EFNA5: variants seen among roughly 807,000 people sequenced by gnomAD.
The protein encoded by EFNA5 is ephrin-A5.
A neutral mutation model predicts 22.9 loss-of-function variants in EFNA5; 5 were observed. The observed-to-expected ratio is 0.22, with a 90% CI of 0.11 to 0.46. The LOEUF is 0.46. EFNA5 is among the 20% of genes least tolerant of loss of function. EFNA5 has a pLI of 0.99. For synonymous variants in EFNA5, 113 were observed against 112.2 expected, an observed-to-expected ratio of 1.01 and a Z score of -0.04; for missense variants, 237 against 293.3, an observed-to-expected ratio of 0.81 and a Z score of 1.40.
At chr5:107,641,021 T>TAGATAGACAGACAGAC (rs796272956) in intron 1 of EFNA5, among the ~76,000 whole-genome samples, 8 of 111,942 alleles carry the variant, frequency 7.1e-5, no homozygotes, top group African/African-American at 1.8e-4. Context: ...GATAGATAGA[T>TAGATAGACAGACAGAC]AGACAGACAG....
intron 1 of EFNA5, 34 bp downstream of exon 1, chr5:107,670,455 G>A (rs749287749): frequency 6.2e-5 from 95 of 1,541,012 alleles, no homozygotes; most frequent in Non-Finnish European, 7.8e-5. Context: ...CCGAGGCCCG[G>A]GTAGCCCTGG....
intron 1 of EFNA5, among the ~76,000 whole-genome samples, chr5:107,594,284 ATGT>A (rs750726348): frequency 6.6e-5 from 10 of 152,194 alleles, no homozygotes; most frequent in Non-Finnish European, 1.0e-4. Context: ...CTTTTTAAAA[ATGT>A]TGTAACTGAA....
At chr5:107,407,870 T>C (rs1748264789) in intron 2 of EFNA5, among the ~76,000 whole-genome samples, 1 of 152,146 alleles carries the variant, frequency 6.6e-6, no homozygotes. Flanking sequence ...TTGGTCATAG[T>C]TATGATTTAT....
chr5:107,509,799 G>T (rs1747326705), intron 1 of EFNA5, among the ~76,000 whole-genome samples: 1 of 152,166 alleles, frequency 6.6e-6, no homozygotes, highest in Admixed American at 6.5e-5. Context: ...AAGAGTCCTT[G>T]ATCCTAGCAG....
intron 1 of EFNA5, among the ~76,000 whole-genome samples, chr5:107,642,205 T>C (rs1455275953): frequency 6.6e-6 from 1 of 152,180 alleles, no homozygotes; most frequent in Non-Finnish European, 1.5e-5. Context: ...ATTGGAGAGA[T>C]TTTGGTCAAA....
Position 107,527,345 on chromosome 5 carries a change from G to A in EFNA5, c.126-99836C>T, listed in dbSNP as rs114340635. Reference sequence around the variant, plus strand: ...ACTGTTGCCCGAGCTGGAATACAGTGGCGCAATCTCGGCTCACTGCAACAT... The same window carrying A: ...ACTGTTGCCCGAGCTGGAATACAGTAGCGCAATCTCGGCTCACTGCAACAT... On this transcript the variant is annotated intron_variant, in intron 1 of 4. Transcript: ENST00000333274. Among the ~76,000 whole-genome samples, 575 of 149,788 alleles carry A rather than the reference G, an allele frequency of 3.8e-3. 1 individual carries two copies. Among genetic ancestry groups the A allele is most frequent in the Non-Finnish European group, 6.0e-3 (405 of 67,730 alleles).
At chr5:107,413,676 G>T (rs1438603606) in intron 2 of EFNA5, among the ~76,000 whole-genome samples, 2 of 152,016 alleles carry the variant, frequency 1.3e-5, no homozygotes, top group Admixed American at 6.6e-5. Context: ...CTTTGAAAAA[G>T]AAATTTATTT....
intron 1 of EFNA5, among the ~76,000 whole-genome samples, chr5:107,479,143 A>G (rs1750386646): frequency 6.6e-6 from 1 of 152,234 alleles, no homozygotes; most frequent in African/African-American, 2.4e-5. Context: ...ATTTGTTCAC[A>G]CTTGGTAAGC....
At chr5:107,456,386 G>A (rs1561394198) in intron 1 of EFNA5, among the ~76,000 whole-genome samples, 1 of 152,130 alleles carries the variant, frequency 6.6e-6, no homozygotes, top group African/African-American at 2.4e-5. Flanking sequence ...ATCAGCTCTT[G>A]AAGAAGCCAG....
chr5:107,516,392 C>T (rs1345109008), intron 1 of EFNA5, among the ~76,000 whole-genome samples: 7 of 151,848 alleles, frequency 4.6e-5, no homozygotes, highest in African/African-American at 1.2e-4. Flanking sequence ...GAATTTAATC[C>T]TCAAAAGTAA....
At position 107,670,705 on chromosome 5, in the gene EFNA5, G is replaced by C; in HGVS notation, c.-92C>G. 1.3e-6 allele frequency: 2 copies of C among 1,501,184 alleles called. No homozygotes were observed. The highest frequency in any genetic ancestry group is 4.7e-5 in the Admixed American group (2 of 42,210). The allele number at this position is 1,501,184 out of a possible 1,614,324, so 93.0% of individuals were successfully genotyped here. A position where few individuals can be genotyped will look rare whatever the true frequency, so the allele number is the denominator to read the frequency against. The stretch of plus-strand genomic sequence containing the variant: ...GGAGGCAGGCAAAGGGACAGAGAGA[G>C]AGCGGGCGCCAAATAAATATGAATA... On this transcript the variant is annotated 5_prime_UTR_variant, in exon 1 of 5. Transcript: ENST00000333274.
intron 1 of EFNA5, among the ~76,000 whole-genome samples, chr5:107,479,128 T>C (rs1750386420): frequency 6.6e-6 from 1 of 152,224 alleles, no homozygotes; most frequent in Non-Finnish European, 1.5e-5. Context: ...CTTTAGTTTG[T>C]AGAGATTTGT....
At chr5:107,639,468 T>C (rs1750456398) in intron 1 of EFNA5, among the ~76,000 whole-genome samples, 3 of 152,208 alleles carry the variant, frequency 2.0e-5, no homozygotes, top group Admixed American at 6.5e-5. Flanking sequence ...AAAATGAAGA[T>C]GGCAGTAATA....
At chr5:107,569,585 A>ATATATATTTATATATATATT (rs1561436021) in intron 1 of EFNA5, among the ~76,000 whole-genome samples, 1 of 38,504 alleles carries the variant, frequency 2.6e-5, no homozygotes, top group African/African-American at 5.2e-5. Flanking sequence ...ATATATATAT[A>ATATATATTTATATATATATT]TATATATATA....
In EFNA5 at chr5:107,670,628, G is replaced by A. The variant is rs775763363; in HGVS notation, c.-15C>T. ...ACGTGCAACATCACGCCTGGCCAGC[G>A]GCGGAGCCCCCGACGCGCCACTCCG... On this transcript the variant is annotated 5_prime_UTR_variant, in exon 1 of 5. Coordinates refer to ENST00000333274, the MANE Select transcript of EFNA5 (RefSeq NM_001962.3). 1.3e-6 allele frequency: 2 copies of A among 1,598,540 alleles called. No homozygotes were observed. Among genetic ancestry groups the A allele is most frequent in the African/African-American group, 2.7e-5 (2 of 74,188 alleles).
At chr5:107,438,443 C>T (rs561447810) in intron 1 of EFNA5, among the ~76,000 whole-genome samples, 37 of 152,296 alleles carry the variant, frequency 2.4e-4, no homozygotes, top group African/African-American at 8.7e-4. Flanking sequence ...CTGTTTTGCT[C>T]TCAGTTGTGT....
At chr5:107,408,774 G>A (rs1748287866) in intron 2 of EFNA5, among the ~76,000 whole-genome samples, 1 of 152,124 alleles carries the variant, frequency 6.6e-6, no homozygotes, top group Non-Finnish European at 1.5e-5. Flanking sequence ...GACAGCCCTG[G>A]CCTCCCACAC....
intron 1 of EFNA5, among the ~76,000 whole-genome samples, chr5:107,578,374 G>A (rs1398133017): frequency 2.0e-5 from 3 of 152,182 alleles, no homozygotes; most frequent in Non-Finnish European, 2.9e-5. Flanking sequence ...GTTTTGGGTT[G>A]TGGATTTCAG....
chr5:107,614,014 C>A (rs1161324305), intron 1 of EFNA5, among the ~76,000 whole-genome samples: 1 of 152,090 alleles, frequency 6.6e-6, no homozygotes, highest in Non-Finnish European at 1.5e-5. Context: ...ACCTTTTGAT[C>A]CTCAGAGAAC....
Sources: gnomAD v4.1 joint callset for allele counts (sites outside exome capture counted in the v4.1 genomes callset) on GRCh38, gnomAD v4.1.1 for gene constraint, MANE v1.5 for transcripts, NCBI Gene and HGNC (gene_info 2026-07-23, HGNC 2026-07-21) for gene names.